The following OCA2 variants were observed in gnomAD, a reference collection of about 807,000 sequenced individuals.
OCA2 encodes OCA2 melanosomal transmembrane protein, also known as P protein.
In OCA2, 77 loss-of-function variants were observed where a neutral mutation model predicts 100.2. That is an observed-to-expected ratio of 0.77 (90% confidence interval 0.64 to 0.93). The LOEUF is 0.93. OCA2 is among the 40% of genes least tolerant of loss of function. The probability of loss-of-function intolerance (pLI) is 0.00; values close to 1 mark genes in which losing one functional copy is unlikely to be tolerated. For missense variants in OCA2, 1,062 were observed against 1,089.1 expected, an observed-to-expected ratio of 0.98 and a Z score of 0.35; for synonymous variants, 432 against 439.2, an observed-to-expected ratio of 0.98 and a Z score of 0.21.
chr15:28,077,003 T>C (rs1463900005), intron 2 of OCA2, among the ~76,000 whole-genome samples: 2 of 151,134 alleles, frequency 1.3e-5, no homozygotes, highest in Non-Finnish European at 2.9e-5. Context: ...GCAAAGCAAA[T>C]GGGAAAGAGA....
At chr15:27,883,034 C>T (rs2037083666) in intron 19 of OCA2, among the ~76,000 whole-genome samples, 2 of 152,158 alleles carry the variant, frequency 1.3e-5, no homozygotes, top group South Asian at 2.1e-4. Flanking sequence ...TGAAATTAGG[C>T]TGAGGCTAGT....
At chr15:27,733,721 ATTT>A in the OCA2 span, among the ~76,000 whole-genome samples, 1 of 152,094 alleles carries the variant, frequency 6.6e-6, no homozygotes, top group Non-Finnish European at 1.5e-5. Context: ...TTAATAATTA[ATTT>A]TTTATTTATT....
intron 23 of OCA2, among the ~76,000 whole-genome samples, chr15:27,806,625 G>A (rs984537906): frequency 6.6e-5 from 10 of 152,226 alleles, no homozygotes; most frequent in East Asian, 1.9e-4. Context: ...GCTCTCCTGC[G>A]CCTCGGCCTG....
intron 15 of OCA2, among the ~76,000 whole-genome samples, chr15:27,965,461 G>A (rs2040534196): frequency 6.6e-6 from 1 of 152,158 alleles, no homozygotes; most frequent in Non-Finnish European, 1.5e-5. Flanking sequence ...TTCTTAATGA[G>A]ATTTTTTAAA....
At chr15:27,915,589 A>C (rs943818706) in intron 19 of OCA2, among the ~76,000 whole-genome samples, 1 of 151,198 alleles carries the variant, frequency 6.6e-6, no homozygotes, top group Non-Finnish European at 1.5e-5. Context: ...ACACATGGCC[A>C]ACAAGCATAT....
chr15:28,038,595 A>G (rs1347205604), intron 2 of OCA2, among the ~76,000 whole-genome samples: 1 of 152,234 alleles, frequency 6.6e-6, no homozygotes, highest in Non-Finnish European at 1.5e-5. Context: ...TAAGGCACCA[A>G]GGTGAAGTTT....
chr15:28,073,659 T>G (rs2044334719), intron 2 of OCA2, among the ~76,000 whole-genome samples: 1 of 152,202 alleles, frequency 6.6e-6, no homozygotes, highest in Non-Finnish European at 1.5e-5. Context: ...ACTAGACTCA[T>G]GACCTAGGTG....
At chr15:27,824,362 C>G (rs114765127) in intron 23 of OCA2, among the ~76,000 whole-genome samples, 2 of 151,514 alleles carry the variant, frequency 1.3e-5, no homozygotes, top group African/African-American at 4.9e-5. Flanking sequence ...CTGTGAAACT[C>G]TGTCTCAAAA....
At chr15:27,880,689 G>T (rs570441863) in intron 19 of OCA2, among the ~76,000 whole-genome samples, 1 of 152,258 alleles carries the variant, frequency 6.6e-6, no homozygotes, top group African/African-American at 2.4e-5. Context: ...GAATGCCTGT[G>T]ATTCTTGCAC....
At chr15:28,016,860 C>A (rs559891603) in intron 7 of OCA2, among the ~76,000 whole-genome samples, 2 of 152,290 alleles carry the variant, frequency 1.3e-5, no homozygotes, top group South Asian at 4.1e-4. Flanking sequence ...GAGAACTCTT[C>A]TGAGTGCTCT....
chr15:27,966,131 C>T (rs538121846), intron 15 of OCA2, among the ~76,000 whole-genome samples: 5 of 152,216 alleles, frequency 3.3e-5, no homozygotes, highest in African/African-American at 1.2e-4. Flanking sequence ...CCACCATGCC[C>T]GGCTAATTTC....
At position 27,871,223 on chromosome 15, in the gene OCA2, A is replaced by G. The variant is rs774528671; in HGVS notation, c.2175T>C (p.Ile725=). Residue 725 remains isoleucine (I), a synonymous_variant, in exon 21 of 24, where the codon ATT becomes ATC. Transcript: ENST00000354638. The part of the protein sequence containing the change: ...VPEEQRLIAA[I]VLVVWVSALA... ...GGGCTGAGACCCACACCACCAGGAC[A>G]ATGGCGGCTATGAGGCGCTGCTCCT... The G allele has an allele frequency of 1.9e-6, 3 of 1,614,160 alleles. No individual in the cohort carries two copies. The highest frequency in any genetic ancestry group is 2.5e-6 in the Non-Finnish European group (3 of 1,180,018).
intron 2 of OCA2, among the ~76,000 whole-genome samples, chr15:28,038,393 C>A (rs1449262998): frequency 1.3e-5 from 2 of 152,172 alleles, no homozygotes; most frequent in Admixed American, 1.3e-4. Flanking sequence ...AGTCTGGCAT[C>A]ATTCTGTATG....
rs183437504 is a variant in OCA2, at chr15:27,950,044, C to T, written c.1951+1740G>A. Among the ~76,000 whole-genome samples the T allele has an allele frequency of 5.4e-3, 822 of 152,282 alleles. 8 individuals are homozygous for T. The highest frequency in any genetic ancestry group is 6.4e-3 in the Non-Finnish European group (436 of 68,006). On this transcript the variant is annotated intron_variant, in intron 18 of 23. Coordinates refer to ENST00000354638, the MANE Select transcript of OCA2 (RefSeq NM_000275.3). ...AGACATTTTGTAAAAAAAACGTAGA[C>T]TTGCAGGCTAAAAGTTTCATAGTAA... is the stretch of plus-strand genomic sequence containing the variant.
chr15:27,964,599 G>A (rs976828160), intron 15 of OCA2, among the ~76,000 whole-genome samples: 1 of 152,182 alleles, frequency 6.6e-6, no homozygotes, highest in Non-Finnish European at 1.5e-5. Context: ...GAGGGGGCGG[G>A]GGGTACAAAG....
chr15:27,901,874 T>C (rs2037951354), intron 19 of OCA2, among the ~76,000 whole-genome samples: 1 of 152,076 alleles, frequency 6.6e-6, no homozygotes, highest in African/African-American at 2.4e-5. Flanking sequence ...AGGGCAGCCA[T>C]GTGAGGCTGG....
chr15:27,942,500 G>A (rs993609711), intron 18 of OCA2, among the ~76,000 whole-genome samples: 3 of 151,936 alleles, frequency 2.0e-5, no homozygotes, highest in Non-Finnish European at 4.4e-5. Flanking sequence ...TCTGGGGGTT[G>A]GGGAAAGGGG....
In OCA2 at chr15:28,043,770, G is replaced by C. The variant is rs1202242748; in HGVS notation, c.228-11607C>G. 6.6e-6 allele frequency among the ~76,000 whole-genome samples: 1 copy of C among 152,152 alleles called. No homozygotes were observed. Among genetic ancestry groups the C allele is most frequent in the African/African-American group, 2.4e-5 (1 of 41,424 alleles). ...TTAACATTAGATGGGCTTGTGACTG[G>C]GCTGGTTATTGAAGAGATAAATCAT... On this transcript the variant is annotated intron_variant, in intron 2 of 23. Transcript: ENST00000354638. This position sits in a 1 kb window ranked among gnomAD's most constrained non-coding sequence, Gnocchi z 4.4.
intron 2 of OCA2, among the ~76,000 whole-genome samples, chr15:28,073,351 T>C (rs141063404): frequency 0.078 from 11,784 of 151,956 alleles, 569 homozygotes; most frequent in East Asian, 0.22. Flanking sequence ...GAGGTGGAGG[T>C]TGCAGTGAGC....
Sources: allele counts gnomAD v4.1 joint callset (sites outside exome capture counted in the v4.1 genomes callset), GRCh38; gene constraint gnomAD v4.1.1; non-coding constraint Gnocchi (gnomAD v3.1); transcripts MANE v1.5; gene names NCBI Gene and HGNC (gene_info 2026-07-23, HGNC 2026-07-21).